The following WWOX variants were observed in gnomAD, a reference collection of about 807,000 sequenced individuals.
WWOX encodes WW domain-containing oxidoreductase.
Under a neutral mutation model 46.2 loss-of-function variants are expected in WWOX, and 69 were observed. The observed-to-expected ratio is 1.49, with a 90% confidence interval of 1.23 to 1.82. The LOEUF (loss-of-function observed/expected upper bound fraction) is 1.82. Ranked by LOEUF, WWOX falls within the 40% of genes most tolerant of loss-of-function variation. WWOX has a pLI of 0.00. For missense variants in WWOX, 919 were observed against 542.6 expected, an observed-to-expected ratio of 1.69 and a Z score of -6.89; for synonymous variants, 359 against 202.6, an observed-to-expected ratio of 1.77 and a Z score of -6.56.
At chr16:78,792,699 A>C (rs1189072571) in intron 8 of WWOX, among the ~76,000 whole-genome samples, 3 of 152,162 alleles carry the variant, frequency 2.0e-5, no homozygotes, top group East Asian at 3.9e-4. Flanking sequence ...TTACTATACA[A>C]GTCTATAGAG....
intron 8 of WWOX, among the ~76,000 whole-genome samples, chr16:78,862,619 G>C (rs913776906): frequency 2.6e-5 from 4 of 152,102 alleles, no homozygotes; most frequent in African/African-American, 7.2e-5. Context: ...GTCTGAGTCT[G>C]AGCAGCTGAG....
At chr16:78,205,927 T>G (rs930247628) in intron 5 of WWOX, among the ~76,000 whole-genome samples, 2 of 151,310 alleles carry the variant, frequency 1.3e-5, no homozygotes, top group African/African-American at 4.9e-5. Flanking sequence ...CTTTCCTTCC[T>G]TCTCTTTCTT....
chr16:78,303,787 A>ACTTGGC (rs1277395143), intron 5 of WWOX, among the ~76,000 whole-genome samples: 2 of 151,984 alleles, frequency 1.3e-5, no homozygotes, highest in African/African-American at 4.8e-5. Flanking sequence ...GAGATGATTC[A>ACTTGGC]CTTGGCCTTG....
chr16:79,003,829 G>C (rs944842115), intron 8 of WWOX, among the ~76,000 whole-genome samples: 1 of 152,090 alleles, frequency 6.6e-6, no homozygotes, highest in Non-Finnish European at 1.5e-5. Flanking sequence ...GGGGAAGGCA[G>C]TCACCACTGT....
chr16:79,031,836 T>G (rs1214366051), intron 8 of WWOX, among the ~76,000 whole-genome samples: 1 of 141,160 alleles, frequency 7.1e-6, no homozygotes, highest in Non-Finnish European at 1.5e-5. Context: ...ATATGATATA[T>G]ATATCTTATT....
At chr16:78,390,513 T>C (rs1375928192) in intron 6 of WWOX, among the ~76,000 whole-genome samples, 1 of 152,180 alleles carries the variant, frequency 6.6e-6, no homozygotes, top group African/African-American at 2.4e-5. Context: ...ACAACCCTCT[T>C]TGTATGTGTC....
intron 5 of WWOX, among the ~76,000 whole-genome samples, chr16:78,309,730 G>T (rs1191167971): frequency 1.3e-5 from 2 of 152,236 alleles, no homozygotes; most frequent in East Asian, 1.9e-4. Context: ...TGACTACCCA[G>T]AATTAAACTG....
chr16:78,320,724 G>A (rs908068668), intron 5 of WWOX, among the ~76,000 whole-genome samples: 1 of 152,076 alleles, frequency 6.6e-6, no homozygotes, highest in Non-Finnish European at 1.5e-5. Context: ...TGTTTCTCTT[G>A]GTTATTGACA....
At chr16:78,606,157 C>T (rs572089644) in intron 8 of WWOX, among the ~76,000 whole-genome samples, 1 of 152,284 alleles carries the variant, frequency 6.6e-6, no homozygotes, top group South Asian at 2.1e-4. Flanking sequence ...TTAACACAGT[C>T]AAAATTTACC....
intron 8 of WWOX, among the ~76,000 whole-genome samples, chr16:78,853,189 A>G (rs1412457448): frequency 6.6e-6 from 1 of 152,198 alleles, no homozygotes; most frequent in Non-Finnish European, 1.5e-5. Context: ...TGGCAAATGC[A>G]TAGTAAATAG....
At chr16:78,997,700 C>T (rs1045308713) in intron 8 of WWOX, among the ~76,000 whole-genome samples, 8 of 152,046 alleles carry the variant, frequency 5.3e-5, no homozygotes, top group African/African-American at 1.9e-4. Flanking sequence ...TCCCTCCTAC[C>T]CCTCTTTCTT....
At chr16:78,708,140 A>C (rs534408293) in intron 8 of WWOX, among the ~76,000 whole-genome samples, 2 of 152,230 alleles carry the variant, frequency 1.3e-5, no homozygotes, top group East Asian at 1.9e-4. Context: ...GCAGTGAGCT[A>C]TGACTGCACC....
intron 8 of WWOX, among the ~76,000 whole-genome samples, chr16:78,968,669 C>G (rs1047467821): frequency 6.6e-6 from 1 of 152,152 alleles, no homozygotes; most frequent in Non-Finnish European, 1.5e-5. Context: ...AGGCTGATAT[C>G]GGGAGAGGCA....
chr16:79,084,770 T>A (rs34549159), intron 8 of WWOX, among the ~76,000 whole-genome samples: 3,792 of 151,866 alleles, frequency 0.025, 53 homozygotes, highest in African/African-American at 0.042. Context: ...CTTGTTAGGG[T>A]TTGCTGCATT....
chr16:78,156,065 G>T (rs1318348662), intron 4 of WWOX, among the ~76,000 whole-genome samples: 3 of 152,152 alleles, frequency 2.0e-5, no homozygotes, highest in Non-Finnish European at 4.4e-5. Flanking sequence ...AAGTAGACTA[G>T]CAACGGGTAA....
chr16:78,387,660 C>T (rs759810022), intron 6 of WWOX, among the ~76,000 whole-genome samples: 3 of 152,098 alleles, frequency 2.0e-5, no homozygotes, highest in African/African-American at 4.8e-5. Context: ...GTGATCATGG[C>T]AAGCTACACT....
chr16:78,688,119 T>C (rs539638288), intron 8 of WWOX, among the ~76,000 whole-genome samples: 4 of 152,232 alleles, frequency 2.6e-5, no homozygotes, highest in Admixed American at 2.6e-4. Context: ...TCTATATATC[T>C]TAAAGTTTTC....
At chr16:78,627,644 G>A (rs1009876014) in intron 8 of WWOX, among the ~76,000 whole-genome samples, 1 of 152,236 alleles carries the variant, frequency 6.6e-6, no homozygotes, top group Non-Finnish European at 1.5e-5. Context: ...AATGAATGTG[G>A]ACTGGGGAGA....
At chr16:78,458,821 G>T (rs2083887140) in intron 8 of WWOX, among the ~76,000 whole-genome samples, 1 of 152,038 alleles carries the variant, frequency 6.6e-6, no homozygotes, top group Non-Finnish European at 1.5e-5. Context: ...GTTGGGGGTG[G>T]AATTAGCATG....
Sources: gnomAD v4.1 joint callset for allele counts (sites outside exome capture counted in the v4.1 genomes callset) on GRCh38, gnomAD v4.1.1 for gene constraint, MANE v1.5 for transcripts, NCBI Gene and HGNC (gene_info 2026-07-23, HGNC 2026-07-21) for gene names.